Variants in SMARCAD1 observed in about 807,000 individuals in gnomAD.
The protein encoded by SMARCAD1 is SWI/SNF-related matrix-associated actin-dependent regulator of chromatin subfamily A containing DEAD/H box 1.
In SMARCAD1, 25 loss-of-function variants were observed where a neutral mutation model predicts 127.1. The observed-to-expected ratio is 0.20, with a 90% confidence interval of 0.14 to 0.27. The LOEUF is 0.27. SMARCAD1 is among the 10% of genes least tolerant of loss of function. The probability of loss-of-function intolerance (pLI) is 1.00; values close to 1 mark genes in which losing one functional copy is unlikely to be tolerated. For synonymous variants in SMARCAD1, 400 were observed against 396.9 expected, an observed-to-expected ratio of 1.01 and a Z score of -0.09; for missense variants, 807 against 1,206.0, an observed-to-expected ratio of 0.67 and a Z score of 4.90.
At chr4:94,279,290 G>A (rs2125995122) in intron 19 of SMARCAD1, among the ~76,000 whole-genome samples, 1 of 152,244 alleles carries the variant, frequency 6.6e-6, no homozygotes, top group African/African-American at 2.4e-5. Flanking sequence ...GGGACTACAG[G>A]CACGCACCAC....
At chr4:94,275,663 A>G (rs1050449770) in intron 14 of SMARCAD1, among the ~76,000 whole-genome samples, 2 of 152,136 alleles carry the variant, frequency 1.3e-5, no homozygotes, top group African/African-American at 4.8e-5. Flanking sequence ...AAAGAGAAAC[A>G]TGTTTTAGCT....
chr4:94,267,420 A>G (rs1469298144), intron 10 of SMARCAD1, among the ~76,000 whole-genome samples: 2 of 152,166 alleles, frequency 1.3e-5, no homozygotes, highest in African/African-American at 2.4e-5. Context: ...CCTGTTTTCT[A>G]TGAACTGCTT....
intron 9 of SMARCAD1, among the ~76,000 whole-genome samples, chr4:94,254,055 G>T (rs953700464): frequency 2.6e-5 from 4 of 151,976 alleles, no homozygotes; most frequent in Non-Finnish European, 4.4e-5. Context: ...TGGCAATAGG[G>T]GAGAGTCCCT....
At chr4:94,217,751 A>G (rs1743425177) in intron 2 of SMARCAD1, among the ~76,000 whole-genome samples, 1 of 152,216 alleles carries the variant, frequency 6.6e-6, no homozygotes, top group South Asian at 2.1e-4. Context: ...GAGTTTTATT[A>G]TATCTTTGTT....
Position 94,208,496 on chromosome 4 carries a change from A to T in SMARCAD1, c.102A>T (p.Ser34=), listed in dbSNP as rs759351154. The change falls in exon 2 of 24, where the codon TCA becomes TCT. Residue 34 remains serine, a synonymous_variant. Transcript: ENST00000354268. ...TPQPSQPGPS[S]PISLSAEEEN... ...AACCTTCCCAGCCTGGCCCTTCTTC[A>T]CCAATTTCTCTTAGTGCTGAAGAGG... The T allele has an allele frequency of 2.5e-5, 40 of 1,613,994 alleles. No individual in the cohort carries two copies. The highest frequency in any genetic ancestry group is 3.3e-5 in the Non-Finnish European group (39 of 1,180,012).
chr4:94,236,480 AAG>A (rs1746674078), intron 4 of SMARCAD1, among the ~76,000 whole-genome samples: 1 of 152,210 alleles, frequency 6.6e-6, no homozygotes, highest in Admixed American at 6.5e-5. Context: ...ATTTTTTTAA[AAG>A]AGCAGAATTG....
At chr4:94,214,327 A>G (rs2632423) in intron 2 of SMARCAD1, among the ~76,000 whole-genome samples, 45,272 of 149,646 alleles carry the variant, frequency 0.3, 8,476 homozygotes, top group East Asian at 0.5. Context: ...CAGTGGCGCA[A>G]TCTCAACTCA....
intron 7 of SMARCAD1, among the ~76,000 whole-genome samples, chr4:94,250,217 C>T (rs1249591180): frequency 6.6e-6 from 1 of 151,872 alleles, no homozygotes; most frequent in African/African-American, 2.4e-5. Context: ...TCATGCCACG[C>T]ATCCTGTTGC....
At chr4:94,251,722 G>A (rs1024648672) in intron 8 of SMARCAD1, among the ~76,000 whole-genome samples, 5 of 152,178 alleles carry the variant, frequency 3.3e-5, no homozygotes, top group African/African-American at 9.7e-5. Context: ...ATAGATTGGT[G>A]CATGTTTTCT....
intron 2 of SMARCAD1, among the ~76,000 whole-genome samples, chr4:94,209,364 A>G (rs1038074241): frequency 4.6e-5 from 7 of 152,198 alleles, no homozygotes; most frequent in African/African-American, 1.7e-4. Flanking sequence ...GTTATTAGGA[A>G]CTTGGTAGAG....
chr4:94,216,776 A>G (rs969083050), intron 2 of SMARCAD1, among the ~76,000 whole-genome samples: 15 of 152,202 alleles, frequency 9.9e-5, no homozygotes, highest in Non-Finnish European at 2.2e-4. Flanking sequence ...CCTTTTTAAG[A>G]CTGAATAATA....
chr4:94,239,951 G>A (rs774133794), intron 5 of SMARCAD1, among the ~76,000 whole-genome samples: 13 of 152,086 alleles, frequency 8.5e-5, no homozygotes, highest in Non-Finnish European at 1.6e-4. Context: ...GTTTTTTTCA[G>A]ACTTAAAATA....
intron 3 of SMARCAD1, 93 bp from the exon 4 acceptor site, chr4:94,233,861 A>G (rs1746230128): frequency 7.8e-7 from 1 of 1,279,836 alleles, no homozygotes; most frequent in Admixed American, 1.9e-5. Flanking sequence ...AGAACTGCAG[A>G]TGTGTTGTAC....
intron 10 of SMARCAD1, among the ~76,000 whole-genome samples, chr4:94,267,796 G>C (rs1428092672): frequency 6.6e-6 from 1 of 152,034 alleles, no homozygotes; most frequent in African/African-American, 2.4e-5. Context: ...CAGAAGACCT[G>C]AGCAAATCCC....
At chr4:94,225,618 T>G (rs775553461) in intron 2 of SMARCAD1, among the ~76,000 whole-genome samples, 2 of 152,218 alleles carry the variant, frequency 1.3e-5, no homozygotes, top group Non-Finnish European at 2.9e-5. Context: ...CACATATTCA[T>G]AAGAGCTAAT....
At chr4:94,287,834 T>G (rs2126019110) in intron 23 of SMARCAD1, among the ~76,000 whole-genome samples, 1 of 152,198 alleles carries the variant, frequency 6.6e-6, no homozygotes, top group South Asian at 2.1e-4. Flanking sequence ...TTTTGAATTT[T>G]TTTATTACAG....
chr4:94,210,761 C>G (rs1742086937), intron 2 of SMARCAD1, among the ~76,000 whole-genome samples: 1 of 151,236 alleles, frequency 6.6e-6, no homozygotes, highest in African/African-American at 2.4e-5. Context: ...TAGTGAAACC[C>G]CGTCTCTACT....
intron 11 of SMARCAD1, among the ~76,000 whole-genome samples, chr4:94,271,869 C>T (rs1752580237): frequency 2.0e-5 from 3 of 152,150 alleles, no homozygotes; most frequent in Admixed American, 2.0e-4. Context: ...CATTTGCTAT[C>T]AAATGAGGTA....
At chr4:94,279,091 A>T in intron 19 of SMARCAD1, 41 bp downstream of exon 19, 1 of 1,612,606 alleles carries the variant, frequency 6.2e-7, no homozygotes, top group Admixed American at 1.7e-5. Flanking sequence ...CTTTAATAAG[A>T]GGTTAAGTTG....
Sources: allele counts gnomAD v4.1 joint callset (sites outside exome capture counted in the v4.1 genomes callset), GRCh38; gene constraint gnomAD v4.1.1; transcripts MANE v1.5; gene names NCBI Gene and HGNC (gene_info 2026-07-23, HGNC 2026-07-21).